PAN3: variants seen among roughly 807,000 people sequenced by gnomAD.
The protein encoded by PAN3 is PAN2-PAN3 deadenylation complex subunit PAN3.
In PAN3, 19 loss-of-function variants were observed where a neutral mutation model predicts 96.2. The observed-to-expected ratio is 0.20, with a 90% confidence interval of 0.14 to 0.29. The LOEUF is 0.29. Among genes scored for constraint, PAN3 ranks in the 10% least tolerant of loss-of-function variants. The pLI is 1.00. For synonymous variants in PAN3, 433 were observed against 406.6 expected (o/e 1.06, Z -0.78); for missense variants, 882 against 1,108.1 (o/e 0.80, Z 2.90).
At chr13:28,177,460 CAG>C (rs1566161257) in intron 3 of PAN3, among the ~76,000 whole-genome samples, 1 of 152,128 alleles carries the variant, frequency 6.6e-6, no homozygotes, top group African/African-American at 2.4e-5. Flanking sequence ...CAGGATCTCT[CAG>C]AGTCTATGGT....
chr13:28,168,161 A>G (rs929384339), intron 1 of PAN3, among the ~76,000 whole-genome samples: 1 of 152,244 alleles, frequency 6.6e-6, no homozygotes, highest in African/African-American at 2.4e-5. Flanking sequence ...TAATAGTTCT[A>G]CAGGTTGAGT....
At chr13:28,221,632 A>AT (rs1464899706) in intron 6 of PAN3, among the ~76,000 whole-genome samples, 4 of 151,962 alleles carry the variant, frequency 2.6e-5, no homozygotes, top group Non-Finnish European at 5.9e-5. Flanking sequence ...TCAGCGCCTC[A>AT]TTTCCCCACC....
At chr13:28,173,895 T>C (rs1455192242) in intron 1 of PAN3, among the ~76,000 whole-genome samples, 1 of 152,176 alleles carries the variant, frequency 6.6e-6, no homozygotes, top group Non-Finnish European at 1.5e-5. Flanking sequence ...TGAGAAACAG[T>C]CTTGAGAAAA....
chr13:28,269,452 A>G (rs925477213), intron 12 of PAN3, among the ~76,000 whole-genome samples: 26 of 152,002 alleles, frequency 1.7e-4, no homozygotes, highest in African/African-American at 6.3e-4. Flanking sequence ...GTAATTTATT[A>G]TCTTAGCACA....
In PAN3 at chr13:28,204,425, A is replaced by G. The variant is rs555235406; in HGVS notation, c.852+7079A>G. ...GTTGTTGTGAGGATTCAAATTTCCA[A>G]GCACATAATAGATATTAAATAAATG... On this transcript the variant is annotated intron_variant, in intron 5 of 18. Transcript: ENST00000380958. Among the ~76,000 whole-genome samples the G allele has an allele frequency of 3.9e-5, 6 of 152,324 alleles. No individual in the cohort carries two copies. The East Asian group carries it at 1.2e-3, about 29-fold the overall frequency.
intron 1 of PAN3, among the ~76,000 whole-genome samples, chr13:28,156,565 C>A (rs1233760542): frequency 1.3e-5 from 2 of 152,124 alleles, no homozygotes; most frequent in East Asian, 3.8e-4. Flanking sequence ...ATTCAATGAC[C>A]AGCATCATCC....
chr13:28,190,656 A>G (rs1015997157), intron 4 of PAN3, among the ~76,000 whole-genome samples: 1 of 152,196 alleles, frequency 6.6e-6, no homozygotes, highest in Admixed American at 6.5e-5. Flanking sequence ...TAAAGGTAAG[A>G]GGTTTAATTG....
At chr13:28,219,157 C>T (rs1288840622) in intron 5 of PAN3, among the ~76,000 whole-genome samples, 1 of 152,138 alleles carries the variant, frequency 6.6e-6, no homozygotes, top group Non-Finnish European at 1.5e-5. Context: ...ACATTTAAGT[C>T]ACAAAAGAGG....
At chr13:28,238,534 G>T (rs185124092) in intron 6 of PAN3, among the ~76,000 whole-genome samples, 1 of 152,198 alleles carries the variant, frequency 6.6e-6, no homozygotes, top group Non-Finnish European at 1.5e-5. Flanking sequence ...GTTTATGGCT[G>T]AGAATCAAGA....
chr13:28,150,475 A>G (rs1430029700), intron 1 of PAN3, among the ~76,000 whole-genome samples: 1 of 151,928 alleles, frequency 6.6e-6, no homozygotes, highest in Non-Finnish European at 1.5e-5. Context: ...AATACAAAAA[A>G]TTAGCCAGGC....
chr13:28,258,856 T>C (rs1420622942), intron 7 of PAN3, among the ~76,000 whole-genome samples: 1 of 152,232 alleles, frequency 6.6e-6, no homozygotes, highest in Non-Finnish European at 1.5e-5. Flanking sequence ...CTGTATACTT[T>C]AAATTATCTC....
chr13:28,238,627 A>G (rs1274679161), intron 6 of PAN3, among the ~76,000 whole-genome samples: 4 of 152,180 alleles, frequency 2.6e-5, no homozygotes, highest in African/African-American at 9.7e-5. Flanking sequence ...TAGCATTGAT[A>G]CTTTTTTTAA....
intron 6 of PAN3, among the ~76,000 whole-genome samples, chr13:28,242,078 A>G (rs1221176915): frequency 1.3e-5 from 2 of 152,256 alleles, no homozygotes; most frequent in Non-Finnish European, 2.9e-5. Flanking sequence ...ATACTAGAGT[A>G]ATGAGACTTT....
At chr13:28,272,727 G>A (rs1886735252) in intron 14 of PAN3, among the ~76,000 whole-genome samples, 1 of 152,000 alleles carries the variant, frequency 6.6e-6, no homozygotes, top group Non-Finnish European at 1.5e-5. Flanking sequence ...GCACCACCAT[G>A]CCTGGCTGAT....
intron 12 of PAN3, among the ~76,000 whole-genome samples, chr13:28,268,761 T>C (rs1886382694): frequency 6.6e-6 from 1 of 152,190 alleles, no homozygotes; most frequent in Non-Finnish European, 1.5e-5. Context: ...ACAACTCCTT[T>C]CAAGACTCTA....
In PAN3 at chr13:28,197,554, G is replaced by A. The variant is rs1878206021; in HGVS notation, c.852+208G>A. ...GCTTTTTGAGCTTTTCCTCTTTGTA[G>A]AATATTTTACTTTTGTTTGTTTGTT... On this transcript the variant is annotated intron_variant, in intron 5 of 18. Transcript: ENST00000380958. Among the ~76,000 whole-genome samples the A allele has an allele frequency of 2.0e-5, 3 of 151,716 alleles. No homozygotes were observed. The South Asian group carries it at 6.2e-4, about 32-fold the overall frequency.
intron 6 of PAN3, among the ~76,000 whole-genome samples, chr13:28,223,292 C>T (rs543217965): frequency 6.6e-6 from 1 of 152,260 alleles, no homozygotes; most frequent in African/African-American, 2.4e-5. Flanking sequence ...TATACACACT[C>T]ATTTTTTAAT....
chr13:28,244,068 C>T (rs1303969284), intron 6 of PAN3, among the ~76,000 whole-genome samples: 2 of 152,064 alleles, frequency 1.3e-5, no homozygotes, highest in Non-Finnish European at 2.9e-5. Flanking sequence ...TTTTTATGTT[C>T]GAGGCATTTT....
Position 28,276,508 on chromosome 13 carries a change from G to GA in PAN3, c.2050-725dup, listed in dbSNP as rs566866229. ...GACTTAATTCAGCCAGCTGTCTTTT[G>GA]AAAATCCTTTTAGAAGGAAAGCCTC... On this transcript the variant is annotated intron_variant, in intron 14 of 18. Coordinates refer to ENST00000380958, the MANE Select transcript of PAN3 (RefSeq NM_175854.8). Among the ~76,000 whole-genome samples the GA allele has an allele frequency of 7.9e-5, 12 of 152,274 alleles. No individual in the cohort carries two copies. In the South Asian group the frequency reaches 2.3e-3, roughly 29 times the overall value.
Sources: allele counts gnomAD v4.1 joint callset (sites outside exome capture counted in the v4.1 genomes callset), GRCh38; gene constraint gnomAD v4.1.1; transcripts MANE v1.5; gene names NCBI Gene and HGNC (gene_info 2026-07-23, HGNC 2026-07-21).